CTU2: variants seen among roughly 807,000 people sequenced by gnomAD.
The protein encoded by CTU2 is cytoplasmic tRNA 2-thiolation protein 2.
A neutral mutation model predicts 64.1 loss-of-function variants in CTU2; 80 were observed. The observed-to-expected ratio is 1.25, with a 90% CI of 1.04 to 1.50. The LOEUF (loss-of-function observed/expected upper bound fraction) is 1.50, where lower values mean the gene tolerates loss of function less well. CTU2 is among the 40% of genes most tolerant of loss of function. The pLI, the probability that CTU2 is intolerant of heterozygous loss-of-function variation, is 0.00. For missense variants in CTU2, 1,110 were observed against 690.2 expected, an observed-to-expected ratio of 1.61 and a Z score of -6.81; for synonymous variants, 482 against 285.3, an observed-to-expected ratio of 1.69 and a Z score of -6.95.
intron 9 of CTU2, among the ~76,000 whole-genome samples, 175 bp downstream of exon 9, chr16:88,713,953 C>G (rs773882472): frequency 7.2e-5 from 11 of 152,172 alleles, no homozygotes; most frequent in Non-Finnish European, 1.3e-4. Flanking sequence ...GTGGGGGTGA[C>G]AGGAGGACCC....
Position 88,706,558 on chromosome 16 carries a change from G to C in CTU2, c.28G>C (p.Glu10Gln). The change falls in exon 1 of 15, where the codon GAG (glutamate) becomes CAG (glutamine). Residue 10 changes from glutamate to glutamine, a missense_variant. Coordinates refer to ENST00000453996, the MANE Select transcript of CTU2 (RefSeq NM_001012759.3). The stretch of plus-strand genomic sequence containing the variant: ...GTGTCAGGTGGGCGAGGACTACGGG[G>C]AGCCGGCGCCTGAGGAGCCGCCCCC... MCQVGEDYG[E>Q]PAPEEPPPAP... is the part of the protein sequence containing the mutation. The C allele has an allele frequency of 6.9e-7, 1 of 1,459,278 alleles. No homozygotes were observed. The highest frequency in any genetic ancestry group is 9.0e-7 in the Non-Finnish European group (1 of 1,112,594). 90.4% of individuals were successfully genotyped at this position (1,459,278 alleles called of 1,614,324 possible).
Position 88,712,738 on chromosome 16 carries a change from CG to C in CTU2, c.575del (p.Gly192ValfsTer41). On this transcript the variant is annotated frameshift_variant, in exon 7 of 15. Coordinates refer to ENST00000453996, the MANE Select transcript of CTU2 (RefSeq NM_001012759.3). LOFTEE classifies it high-confidence loss of function. ...FLQQQHVLGA[G>X]GGPGPTQGEE... ...TCCAGCAGCAGCATGTGCTGGGGGCCGGGGGTGGTCCTGGCCCGACTCAAGG... is the reference window on the plus strand; with the variant it reads ...TCCAGCAGCAGCATGTGCTGGGGGCCGGGGTGGTCCTGGCCCGACTCAAGG... 6.2e-7 allele frequency: 1 copy of C among 1,608,740 alleles called. No homozygotes were observed. Among genetic ancestry groups the C allele is most frequent in the Non-Finnish European group, 8.5e-7 (1 of 1,178,498 alleles).
chr16:88,709,852 AAGGACGTCGTCACCTGGCAGCGCCTC>A lies in CTU2; in HGVS notation c.144-79_144-54del, dbSNP rs1175803241. ...CTGCTTTTAAAGATGGAGATTGGCAAAGGACGTCGTCACCTGGCAGCGCCTCAGGACGCTGCTCACTGTGCGGGTAG... is the reference window on the plus strand; with the variant it reads ...CTGCTTTTAAAGATGGAGATTGGCAAAGGACGCTGCTCACTGTGCGGGTAG... On this transcript the variant is annotated intron_variant, in intron 2 of 14. Transcript: ENST00000453996. 3.7e-6 allele frequency: 4 copies of A among 1,093,792 alleles called. No individual in the cohort carries two copies. In the African/African-American group the frequency reaches 4.7e-5, roughly 13 times the overall value. 67.8% of individuals were successfully genotyped at this position (1,093,792 alleles called of 1,614,324 possible). A position where few individuals can be genotyped will look rare whatever the true frequency, so the allele number is the denominator to read the frequency against.
In CTU2 at chr16:88,715,054, C is replaced by G. The variant is rs1567654284; in HGVS notation, c.1426C>G (p.Leu476Val). 7.6e-6 allele frequency: 12 copies of G among 1,572,948 alleles called. No individual in the cohort carries two copies. Among genetic ancestry groups the G allele is most frequent in the East Asian group, 6.8e-5 (3 of 44,328 alleles). Residue 476 changes from leucine (L) to valine (V), a missense_variant, in exon 14 of 15, where the codon CTG becomes GTG. Transcript: ENST00000453996. ...ACACCGGCCTCTGTTGCAGCCCTCA[C>G]TGGACCCCCTGCCGCCGTACATCCT... ...CRVNMKDLPS[L>V]DPLPPYILAE... is the part of the protein sequence containing the mutation.
chr16:88,713,823 G>C (rs1483510342), intron 9 of CTU2, 45 bp downstream of exon 9: 9 of 1,609,154 alleles, frequency 5.6e-6, no homozygotes, highest in African/African-American at 1.3e-5. Context: ...TTGACACCGG[G>C]GTGGGCCATG....
intron 10 of CTU2, 31 bp downstream of exon 10, chr16:88,714,258 TGCGC>T (rs1567652239): frequency 4.4e-6 from 7 of 1,600,290 alleles, no homozygotes; most frequent in African/African-American, 1.4e-5. Context: ...GTGCGGGGGG[TGCGC>T]GGGTGTGTGC....
chr16:88,714,510 T>A (rs1340611955), intron 11 of CTU2, 24 bp downstream of exon 11: 1 of 1,612,402 alleles, frequency 6.2e-7, no homozygotes, highest in Non-Finnish European at 8.5e-7. Context: ...GCTCTTGGGG[T>A]GATGCGGGGA....
chr16:88,713,822 G>T (rs1597432602), intron 9 of CTU2, 44 bp downstream of exon 9: 2 of 1,609,416 alleles, frequency 1.2e-6, no homozygotes, highest in Non-Finnish European at 1.7e-6. Context: ...ATTGACACCG[G>T]GGTGGGCCAT....
At chr16:88,709,847 T>A (rs981236873) in intron 2 of CTU2, 91 bp from the exon 3 acceptor site, 2 of 1,038,446 alleles carry the variant, frequency 1.9e-6, no homozygotes, top group Non-Finnish European at 3.0e-6. Context: ...AGATGGAGAT[T>A]GGCAAAGGAC....
rs367890582 is a variant in CTU2 at position 88,712,249 on chromosome 16, G to A, written c.344-25G>A. 4.4e-5 allele frequency: 69 copies of A among 1,569,452 alleles called. No homozygotes were observed. In the African/African-American group the frequency reaches 8.4e-4, roughly 19 times the overall value. ...CCTGCCTGGCTCCTCTCTGAGCCCT[G>A]ACTCTTTCTGCCTGGGTTTTTCAGA... is the stretch of plus-strand genomic sequence containing the variant. On this transcript the variant is annotated intron_variant, in intron 5 of 14. Transcript: ENST00000453996.
At chr16:88,711,436 A>G (rs1426389287) in intron 4 of CTU2, among the ~76,000 whole-genome samples, 199 bp from the exon 5 acceptor site, 2 of 152,194 alleles carry the variant, frequency 1.3e-5, no homozygotes, top group Admixed American at 1.3e-4. Context: ...ACCCTTTAAA[A>G]TAAGTCGGGC....
At chr16:88,712,050 T>C in intron 5 of CTU2, 1 of 678,746 alleles carries the variant, frequency 1.5e-6, no homozygotes, top group East Asian at 2.7e-5. Context: ...CCCCGACCCT[T>C]GCTCCTGCAG....
intron 2 of CTU2, chr16:88,709,737 A>G: frequency 1.7e-6 from 1 of 588,680 alleles, no homozygotes; most frequent in Non-Finnish European, 3.0e-6. Context: ...GGGGCCGGTG[A>G]GCCTCGTGTT....
At position 88,714,202 on chromosome 16, in the gene CTU2, C is replaced by A. The variant is rs771795709; in HGVS notation, c.1072C>A (p.Pro358Thr). 6.2e-7 allele frequency: 1 copy of A among 1,610,934 alleles called. No homozygotes were observed. Among genetic ancestry groups the A allele is most frequent in the Non-Finnish European group, 8.5e-7 (1 of 1,179,550 alleles). ...CATCCTCAGGCTGCAGACCCAGTTCCCCTCCACTGTCAGCACTGTGTACAG... is the reference window on the plus strand; with the variant it reads ...CATCCTCAGGCTGCAGACCCAGTTCACCTCCACTGTCAGCACTGTGTACAG... Reference protein sequence around the residue: ...AFILRLQTQFPSTVSTVYRTS... With the variant: ...AFILRLQTQFTSTVSTVYRTS... The change falls in exon 10 of 15, where the codon CCC becomes ACC. Residue 358 changes from proline to threonine, a missense_variant. Pro to Thr is a conservative substitution (Grantham distance 38). Transcript: ENST00000453996.
chr16:88,714,401 G>C lies in CTU2; in HGVS notation c.1116G>C (p.Val372=). The C allele has an allele frequency of 1.2e-6, 2 of 1,612,520 alleles. No individual in the cohort carries two copies. Among genetic ancestry groups the C allele is most frequent in the South Asian group, 2.2e-5 (2 of 91,084 alleles). ...STVYRTSEKL[V]KGPRDGPAAG... ...GCCACAGGACAAGTGAGAAGCTGGT[G>C]AAGGGCCCCCGGGATGGCCCTGCTG... is the stretch of plus-strand genomic sequence containing the variant. Residue 372 remains valine (V), a synonymous_variant, in exon 11 of 15, where the codon GTG becomes GTC. Coordinates refer to ENST00000453996, the MANE Select transcript of CTU2 (RefSeq NM_001012759.3).
chr16:88,714,692 C>T lies in CTU2; in HGVS notation c.1307C>T (p.Pro436Leu), dbSNP rs1429678535. The change falls in exon 12 of 15, where the codon CCA becomes CTA. Residue 436 changes from proline (P) to leucine (L), a missense_variant. Pro to Leu is a moderately conservative substitution (Grantham distance 98). Transcript: ENST00000453996. ...ACACCCCCGGGGCCCTGCTGTTCTC[C>T]AGGGGTGGGCTGGGCCCAGCGCTGT... ...TRTPPGPCCS[P>L]GVGWAQRCGQ... 6.2e-7 allele frequency: 1 copy of T among 1,611,744 alleles called. No individual in the cohort carries two copies. Among genetic ancestry groups the T allele is most frequent in the Admixed American group, 1.7e-5 (1 of 59,892 alleles).
intron 2 of CTU2, 156 bp from the exon 3 acceptor site, chr16:88,709,782 C>T: frequency 1.4e-6 from 1 of 700,308 alleles, no homozygotes; most frequent in Non-Finnish European, 2.5e-6. Context: ...GGGGCCAACC[C>T]CGCCCCTTTC....
At chr16:88,712,434 A>T in intron 6 of CTU2, 51 bp downstream of exon 6, 2 of 1,494,420 alleles carry the variant, frequency 1.3e-6, no homozygotes, top group Non-Finnish European at 1.8e-6. Context: ...CCTGGGGGGC[A>T]CCTGCCCGTG....
chr16:88,713,383 G>T lies in CTU2; in HGVS notation c.809G>T (p.Arg270Leu), dbSNP rs780186030. 9 of 1,603,754 alleles carry T rather than the reference G, an allele frequency of 5.6e-6. No individual in the cohort carries two copies. Among genetic ancestry groups the T allele is most frequent in the Non-Finnish European group, 7.6e-6 (9 of 1,176,822 alleles). ...GTCATGACTGGGGACAGCTGCACAC[G>T]CTTGGCTATCAAGCTCATGACCAAC... ...SKVMTGDSCT[R>L]LAIKLMTNLA... is the part of the protein sequence containing the mutation. Residue 270 changes from arginine to leucine, a missense_variant, in exon 8 of 15, where the codon CGC becomes CTC. By Grantham distance (102) the Arg-to-Leu change is moderately radical (BLOSUM62 -2). Transcript: ENST00000453996.
Sources: gnomAD v4.1 joint callset for allele counts (sites outside exome capture counted in the v4.1 genomes callset) on GRCh38, gnomAD v4.1.1 for gene constraint, MANE v1.5 for transcripts, NCBI Gene and HGNC (gene_info 2026-07-23, HGNC 2026-07-21) for gene names.